Variants in LMX1A observed in about 807,000 individuals in gnomAD.
The protein encoded by LMX1A is LIM homeobox transcription factor 1 alpha, also known as LIM homeobox transcription factor 1-alpha.
LMX1A carries 15 observed loss-of-function variants against 49.1 expected under a neutral mutation model. The ratio of observed to expected loss-of-function variants is 0.31; its 90% CI spans 0.20 to 0.47. The LOEUF is 0.47. LMX1A is among the 20% of genes least tolerant of loss of function. The probability of loss-of-function intolerance (pLI) is 1.00; values close to 1 mark genes in which losing one functional copy is unlikely to be tolerated. For missense variants in LMX1A, 372 were observed against 475.8 expected, an observed-to-expected ratio of 0.78 and a Z score of 2.03; for synonymous variants, 167 against 185.7, an observed-to-expected ratio of 0.90 and a Z score of 0.82.
intron 4 of LMX1A, among the ~76,000 whole-genome samples, chr1:165,237,238 A>G (rs922579213): frequency 6.6e-6 from 1 of 152,066 alleles, no homozygotes; most frequent in Non-Finnish European, 1.5e-5. Context: ...TTATTTATTT[A>G]TTTGAGATGG....
intron 3 of LMX1A, among the ~76,000 whole-genome samples, chr1:165,343,703 C>T (rs1328889536): frequency 6.6e-6 from 1 of 152,050 alleles, no homozygotes; most frequent in Non-Finnish European, 1.5e-5. Context: ...CAACCAAAGA[C>T]AAAGCGTAAA....
chr1:165,235,518 T>G (rs1652400658), intron 4 of LMX1A, among the ~76,000 whole-genome samples: 1 of 152,132 alleles, frequency 6.6e-6, no homozygotes, highest in Non-Finnish European at 1.5e-5. Flanking sequence ...CGGAGAGCCT[T>G]TGGATTTACC....
In LMX1A at chr1:165,227,038, A is replaced by C. The variant is rs182767860; in HGVS notation, c.497-13225T>G. On this transcript the variant is annotated intron_variant, in intron 4 of 8. Transcript: ENST00000342310. ...AAAGACCAAGATGCTGAGGGAATAC[A>C]ACGGAGGGGCATCTAATGTGGTCTC... Among the ~76,000 whole-genome samples, 188 of 152,338 alleles carry C rather than the reference A, an allele frequency of 1.2e-3. 2 individuals carry two copies. The highest frequency in any genetic ancestry group is 6.9e-3 in the East Asian group (36 of 5,186).
At chr1:165,227,553 G>GTACACACATACATACA (rs1652079097) in intron 4 of LMX1A, among the ~76,000 whole-genome samples, 2 of 150,686 alleles carry the variant, frequency 1.3e-5, no homozygotes. Context: ...TAATACATAC[G>GTACACACATACATACA]TACATACATA....
intron 3 of LMX1A, among the ~76,000 whole-genome samples, chr1:165,344,363 G>A: frequency 6.6e-6 from 1 of 152,212 alleles, no homozygotes; most frequent in East Asian, 1.9e-4. Flanking sequence ...GCCACAATGT[G>A]AGGAGGAGCA....
chr1:165,209,823 A>T (rs1023610621), intron 6 of LMX1A, among the ~76,000 whole-genome samples: 2 of 152,248 alleles, frequency 1.3e-5, no homozygotes, highest in African/African-American at 4.8e-5. Flanking sequence ...ATCCCAATTT[A>T]TAGCCAGTTG....
chr1:165,346,020 G>T (rs1262475403), intron 3 of LMX1A, among the ~76,000 whole-genome samples: 1 of 152,212 alleles, frequency 6.6e-6, no homozygotes, highest in Non-Finnish European at 1.5e-5. Context: ...ACAGGGTATA[G>T]GGGAGGGAGA....
intron 3 of LMX1A, among the ~76,000 whole-genome samples, chr1:165,275,423 A>G (rs977914440): frequency 6.6e-6 from 1 of 152,218 alleles, no homozygotes; most frequent in Non-Finnish European, 1.5e-5. Flanking sequence ...TGTGGGAAAC[A>G]TCCCAGTAAA....
intron 3 of LMX1A, among the ~76,000 whole-genome samples, chr1:165,309,768 G>A (rs1655023621): frequency 1.3e-5 from 2 of 152,340 alleles, no homozygotes; most frequent in Non-Finnish European, 1.5e-5. Flanking sequence ...TTGTTGGTAA[G>A]CTGGTCTTGA....
intron 4 of LMX1A, chr1:165,219,147 A>C (rs1191630853): frequency 2.0e-5 from 3 of 152,116 alleles, no homozygotes; most frequent in Non-Finnish European, 4.4e-5. Flanking sequence ...CTCGTTTATG[A>C]CATAAGCAAT....
intron 3 of LMX1A, among the ~76,000 whole-genome samples, chr1:165,300,110 G>A (rs897668692): frequency 2.8e-5 from 1 of 36,112 alleles, no homozygotes; most frequent in Admixed American, 3.2e-4. Context: ...ACCTTGCTGA[G>A]CATGCCCCCC....
At chr1:165,257,539 G>A (rs1653293997) in intron 3 of LMX1A, among the ~76,000 whole-genome samples, 2 of 152,194 alleles carry the variant, frequency 1.3e-5, no homozygotes, top group South Asian at 4.1e-4. Context: ...ATGTGGGTTA[G>A]GAACAAATAG....
chr1:165,202,998 G>A lies in LMX1A; in HGVS notation c.*882C>T, dbSNP rs1650910462. 1 of 152,698 alleles carries A rather than the reference G, an allele frequency of 6.5e-6. No individual in the cohort carries two copies. The highest frequency in any genetic ancestry group is 2.4e-5 in the African/African-American group (1 of 41,444). The allele number at this position is 152,698 out of a possible 1,614,324, so 9.5% of individuals were successfully genotyped here. A position where few individuals can be genotyped will look rare whatever the true frequency, so the allele number is the denominator to read the frequency against. ...ACTATTAGCCTCATCCACATTTGCA[G>A]ATGCTGAAGCTCAAGAGCTGAACCA... On this transcript the variant is annotated 3_prime_UTR_variant, in exon 9 of 9. Transcript: ENST00000342310.
rs1184620497 is a variant in LMX1A at position 165,354,473 on chromosome 1, G to A, written c.76+1011C>T. Among the ~76,000 whole-genome samples, 4 of 152,188 alleles carry A rather than the reference G, an allele frequency of 2.6e-5. No individual in the cohort carries two copies. The East Asian group carries it at 7.7e-4, about 29-fold the overall frequency. On this transcript the variant is annotated intron_variant, in intron 2 of 8. Coordinates refer to ENST00000342310, the MANE Select transcript of LMX1A (RefSeq NM_177398.4). ...ATAAATCCGCACCCGCTGCCCGCCC[G>A]GGTACTGCCTGCTCTGGCTTCCGCT...
chr1:165,314,390 C>T (rs1439042661), intron 3 of LMX1A, among the ~76,000 whole-genome samples: 2 of 152,176 alleles, frequency 1.3e-5, no homozygotes, highest in African/African-American at 4.8e-5. Flanking sequence ...GCAGGGTGCT[C>T]CCAGGTCAGT....
chr1:165,277,555 C>T (rs914432775), intron 3 of LMX1A, among the ~76,000 whole-genome samples: 1 of 152,214 alleles, frequency 6.6e-6, no homozygotes, highest in African/African-American at 2.4e-5. Context: ...TGGGTTGTCA[C>T]TGTGCCATAT....
chr1:165,248,333 T>C (rs948509518), intron 4 of LMX1A, among the ~76,000 whole-genome samples: 6 of 152,034 alleles, frequency 3.9e-5, no homozygotes, highest in African/African-American at 1.4e-4. Context: ...GCCAAAGGGA[T>C]GGATAGAGTG....
intron 3 of LMX1A, among the ~76,000 whole-genome samples, chr1:165,279,997 C>T (rs141146370): frequency 6.9e-4 from 105 of 152,018 alleles, no homozygotes; most frequent in African/African-American, 2.4e-3. Flanking sequence ...TGCAGCCCTA[C>T]GGAGAGAGAA....
intron 4 of LMX1A, among the ~76,000 whole-genome samples, chr1:165,214,273 G>C (rs771406766): frequency 2.6e-5 from 4 of 152,160 alleles, no homozygotes; most frequent in African/African-American, 9.7e-5. Context: ...TTTCTCTCCT[G>C]CTTTGCCATG....
Sources: allele counts gnomAD v4.1 joint callset (sites outside exome capture counted in the v4.1 genomes callset), GRCh38; gene constraint gnomAD v4.1.1; transcripts MANE v1.5; gene names NCBI Gene and HGNC (gene_info 2026-07-23, HGNC 2026-07-21).